Variants in PRKN observed in about 807,000 individuals in gnomAD.
PRKN encodes the protein E3 ubiquitin-protein ligase parkin.
PRKN carries 56 observed loss-of-function variants against 59.5 expected under a neutral mutation model. The ratio of observed to expected loss-of-function variants is 0.94; its 90% CI spans 0.76 to 1.18. The LOEUF is 1.18. PRKN is among the 50% of genes most tolerant of loss of function. PRKN has a pLI of 0.00. For missense variants in PRKN, 657 were observed against 596.4 expected (o/e 1.10, Z -1.06); for synonymous variants, 250 against 222.1 (o/e 1.13, Z -1.12).
chr6:162,295,860 C>T (rs950312329), intron 2 of PRKN, among the ~76,000 whole-genome samples: 1 of 152,160 alleles, frequency 6.6e-6, no homozygotes, highest in Non-Finnish European at 1.5e-5. Flanking sequence ...CCTTGACAGG[C>T]AGGGACACCA....
At chr6:162,711,266 TG>T (rs1778526045) in intron 1 of PRKN, among the ~76,000 whole-genome samples, 1 of 152,196 alleles carries the variant, frequency 6.6e-6, no homozygotes, top group Non-Finnish European at 1.5e-5. Context: ...GACTACAGAC[TG>T]GCAGATTAAA....
At chr6:162,261,193 T>C (rs1421457081) in intron 3 of PRKN, among the ~76,000 whole-genome samples, 1 of 152,178 alleles carries the variant, frequency 6.6e-6, no homozygotes. Flanking sequence ...CTCCTCATCC[T>C]AGTAAGGAGA....
rs73604246 is a variant in PRKN, at chr6:162,420,991, G to A, written c.171+22319C>T. 3.9e-3 allele frequency among the ~76,000 whole-genome samples: 597 copies of A among 152,268 alleles called. 7 individuals carry two copies. The highest frequency in any genetic ancestry group is 0.014 in the African/African-American group (572 of 41,544). On this transcript the variant is annotated intron_variant, in intron 2 of 11. Coordinates refer to ENST00000366898, the MANE Select transcript of PRKN (RefSeq NM_004562.3). ...GAAAGACTGAGCTCAAATGCCTTACGTCTGCCCCAAGAGAAGCTAGCATTG... is the reference window on the plus strand; with the variant it reads ...GAAAGACTGAGCTCAAATGCCTTACATCTGCCCCAAGAGAAGCTAGCATTG...
chr6:161,771,590 G>A (rs898658559), intron 7 of PRKN, among the ~76,000 whole-genome samples: 1 of 152,096 alleles, frequency 6.6e-6, no homozygotes, highest in Non-Finnish European at 1.5e-5. Context: ...CAAGACTGGT[G>A]ATGTCTAGTA....
intron 9 of PRKN, among the ~76,000 whole-genome samples, chr6:161,514,764 GGAGA>G (rs1778523445): frequency 1.3e-5 from 2 of 152,128 alleles, no homozygotes; most frequent in Non-Finnish European, 2.9e-5. Flanking sequence ...GTGGGAACCA[GGAGA>G]CCAGAAGGGC....
chr6:162,154,490 T>C (rs1782415104), intron 4 of PRKN, among the ~76,000 whole-genome samples: 1 of 148,142 alleles, frequency 6.8e-6, no homozygotes, highest in African/African-American at 2.5e-5. Context: ...AAATACTGAA[T>C]GGCCTACACT....
rs566259088 is a variant in PRKN, at chr6:162,456,281, T to G, written c.8-12808A>C. Among the ~76,000 whole-genome samples the G allele has an allele frequency of 8.0e-4, 122 of 152,298 alleles. 1 individual carries two copies. The highest frequency in any genetic ancestry group is 2.8e-3 in the African/African-American group (117 of 41,580). On this transcript the variant is annotated intron_variant, in intron 1 of 11. Transcript: ENST00000366898. ...AGATTCATCCACAGACAGGTTACCA[T>G]GCATAAAAATAAGCCCATTCATCTA...
chr6:161,988,188 T>G (rs1031603670), intron 5 of PRKN, among the ~76,000 whole-genome samples: 1 of 152,166 alleles, frequency 6.6e-6, no homozygotes, highest in Non-Finnish European at 1.5e-5. Context: ...AAAAATTTTT[T>G]TTTTAATCTA....
chr6:162,572,858 T>C (rs1780399985), intron 1 of PRKN, among the ~76,000 whole-genome samples: 1 of 149,122 alleles, frequency 6.7e-6, no homozygotes, highest in Non-Finnish European at 1.5e-5. Context: ...CTGCGTAACC[T>C]AAAAACAAAC....
chr6:162,259,672 T>G (rs1282616095), intron 3 of PRKN, among the ~76,000 whole-genome samples: 1 of 152,264 alleles, frequency 6.6e-6, no homozygotes, highest in African/African-American at 2.4e-5. Flanking sequence ...AGATGAAATC[T>G]CAATTTCTCT....
chr6:162,647,949 C>CAAAAAAAA lies in PRKN; in HGVS notation c.7+79705_7+79712dup, dbSNP rs398003250. ...GAACCATCTCTATATGTCCACAGTG[C>CAAAAAAAA]AAAAAAAAAAAAAAAAAAAAAAAAA... On this transcript the variant is annotated intron_variant, in intron 1 of 11. Coordinates refer to ENST00000366898, the MANE Select transcript of PRKN (RefSeq NM_004562.3). Among the ~76,000 whole-genome samples, 397 of 75,646 alleles carry CAAAAAAAA rather than the reference C, an allele frequency of 5.2e-3. 111 individuals carry two copies. The highest frequency in any genetic ancestry group is 5.7e-3 in the Non-Finnish European group (240 of 42,116). 49.6% of individuals were successfully genotyped at this position (75,646 alleles called of 152,430 possible).
chr6:162,727,460 G>A (rs1283012573), intron 1 of PRKN, among the ~76,000 whole-genome samples: 4 of 152,112 alleles, frequency 2.6e-5, no homozygotes, highest in Admixed American at 6.5e-5. Flanking sequence ...GGCAGGCGAG[G>A]GCTTCGAACG....
chr6:161,712,954 A>T (rs1562626297), intron 7 of PRKN, among the ~76,000 whole-genome samples: 1 of 152,082 alleles, frequency 6.6e-6, no homozygotes, highest in Non-Finnish European at 1.5e-5. Flanking sequence ...TTCTGATTCT[A>T]CCTACCTGGA....
intron 1 of PRKN, among the ~76,000 whole-genome samples, chr6:162,665,156 C>A (rs745995784): frequency 6.6e-6 from 1 of 152,048 alleles, no homozygotes; most frequent in Non-Finnish European, 1.5e-5. Context: ...CACTCCTATT[C>A]AACATAGTAT....
At position 161,554,073 on chromosome 6, in the gene PRKN, G is replaced by C. The variant is rs927175152; in HGVS notation, c.934-5070C>G. The stretch of plus-strand genomic sequence containing the variant: ...CTCTCAGTTCTCACTTTGAAGGACA[G>C]GTATCTCAGAACTACAAGGTTTTTA... On this transcript the variant is annotated intron_variant, in intron 8 of 11. Transcript: ENST00000366898. This position sits in a 1 kb window ranked among gnomAD's most constrained non-coding sequence, Gnocchi z 4.5. 6.6e-6 allele frequency among the ~76,000 whole-genome samples: 1 copy of C among 152,152 alleles called. No individual in the cohort carries two copies. The highest frequency in any genetic ancestry group is 1.5e-5 in the Non-Finnish European group (1 of 68,036).
chr6:161,850,247 C>T (rs1325518318), intron 6 of PRKN, among the ~76,000 whole-genome samples: 1 of 152,056 alleles, frequency 6.6e-6, no homozygotes, highest in African/African-American at 2.4e-5. Flanking sequence ...ATGAGTCCTC[C>T]ATATTTAATG....
At chr6:161,820,314 A>T (rs1225021876) in intron 6 of PRKN, among the ~76,000 whole-genome samples, 1 of 151,936 alleles carries the variant, frequency 6.6e-6, no homozygotes, top group Non-Finnish European at 1.5e-5. Context: ...TATAATTCAT[A>T]TCAAGAGTTT....
chr6:161,580,110 A>G (rs571208178), intron 7 of PRKN, among the ~76,000 whole-genome samples: 55 of 152,364 alleles, frequency 3.6e-4, no homozygotes, highest in Admixed American at 2.7e-3. Context: ...AATAGCTTCT[A>G]TGATGCGGGA....
chr6:161,632,715 C>T (rs1783361467), intron 7 of PRKN, among the ~76,000 whole-genome samples: 1 of 152,134 alleles, frequency 6.6e-6, no homozygotes, highest in Non-Finnish European at 1.5e-5. Flanking sequence ...CTGGGGAGGC[C>T]TCAGGAAACT....
Sources: gnomAD v4.1 joint callset for allele counts (sites outside exome capture counted in the v4.1 genomes callset) on GRCh38, gnomAD v4.1.1 for gene constraint, Gnocchi (gnomAD v3.1) non-coding constraint, MANE v1.5 for transcripts, NCBI Gene and HGNC (gene_info 2026-07-23, HGNC 2026-07-21) for gene names.